Variants in LDLRAD3 observed in about 807,000 individuals in gnomAD.
LDLRAD3 encodes low-density lipoprotein receptor class A domain-containing protein 3.
Under a neutral mutation model 29.4 loss-of-function variants are expected in LDLRAD3, and 20 were observed. The observed-to-expected ratio is 0.68, with a 90% confidence interval of 0.48 to 0.99. The LOEUF (loss-of-function observed/expected upper bound fraction) is 0.99. Among genes scored for constraint, LDLRAD3 ranks in the 50% least tolerant of loss-of-function variants. The pLI is 0.00. For missense variants in LDLRAD3, 420 were observed against 454.3 expected, an observed-to-expected ratio of 0.92 and a Z score of 0.69; for synonymous variants, 157 against 192.7, an observed-to-expected ratio of 0.81 and a Z score of 1.53.
At chr11:36,132,069 T>C (rs79071491) in intron 4 of LDLRAD3, among the ~76,000 whole-genome samples, 3 of 151,888 alleles carry the variant, frequency 2.0e-5, no homozygotes, top group South Asian at 4.2e-4. Flanking sequence ...TTTTTTTTTT[T>C]CCAGCTCTGA....
chr11:36,187,518 C>T (rs921262514), intron 4 of LDLRAD3, among the ~76,000 whole-genome samples: 1 of 152,166 alleles, frequency 6.6e-6, no homozygotes, highest in African/African-American at 2.4e-5. Context: ...CATATATCCA[C>T]TGTTTGGATA....
intron 1 of LDLRAD3, among the ~76,000 whole-genome samples, chr11:35,951,342 G>T (rs1312152224): frequency 6.6e-6 from 1 of 152,044 alleles, no homozygotes; most frequent in Non-Finnish European, 1.5e-5. Flanking sequence ...TCTATTTGTA[G>T]TTTTTTGGCT....
intron 2 of LDLRAD3, among the ~76,000 whole-genome samples, chr11:36,046,651 T>A (rs1852454148): frequency 6.6e-6 from 1 of 152,200 alleles, no homozygotes; most frequent in South Asian, 2.1e-4. Flanking sequence ...CCCAGGGCAC[T>A]GTTCAACCTG....
intron 1 of LDLRAD3, among the ~76,000 whole-genome samples, chr11:36,000,109 A>G (rs1045976993): frequency 6.6e-6 from 1 of 152,186 alleles, no homozygotes; most frequent in Non-Finnish European, 1.5e-5. Context: ...GAGACTTTAG[A>G]GTAGGTAAAA....
chr11:36,008,830 G>C (rs904876820), intron 1 of LDLRAD3, among the ~76,000 whole-genome samples: 3 of 152,138 alleles, frequency 2.0e-5, no homozygotes, highest in African/African-American at 7.2e-5. Context: ...TTCCTTGTAG[G>C]CTTTCCAGCT....
At chr11:36,072,013 T>G (rs762519042) in intron 2 of LDLRAD3, among the ~76,000 whole-genome samples, 5 of 152,230 alleles carry the variant, frequency 3.3e-5, no homozygotes, top group Non-Finnish European at 7.3e-5. Context: ...ATGGTTTGAC[T>G]TTTTCACAGT....
At chr11:36,209,628 G>A (rs1855257269) in intron 4 of LDLRAD3, among the ~76,000 whole-genome samples, 1 of 152,064 alleles carries the variant, frequency 6.6e-6, no homozygotes, top group African/African-American at 2.4e-5. Flanking sequence ...AAAGTGCTGG[G>A]ATTACAGGTG....
chr11:35,991,173 AG>A lies in LDLRAD3; in HGVS notation c.47-44929del, dbSNP rs1851684271. On this transcript the variant is annotated intron_variant, in intron 1 of 5. Transcript: ENST00000315571. ...GATGCTCTTCTAGGTTGCGTATAAG[AG>A]CCCCCATGCATCTCAATTACAGAAT... Among the ~76,000 whole-genome samples, 3 of 152,336 alleles carry A rather than the reference AG, an allele frequency of 2.0e-5. No individual in the cohort carries two copies. The South Asian group carries it at 6.2e-4, about 32-fold the overall frequency.
Position 36,045,239 on chromosome 11 carries a change from G to C in LDLRAD3, c.193+8990G>C, listed in dbSNP as rs1054430341. ...GTCAGGCTACACTTAACATGCGTTT[G>C]ACTGTATTCAAACTTTTCTTAAAGG... On this transcript the variant is annotated intron_variant, in intron 2 of 5. Transcript: ENST00000315571. Among the ~76,000 whole-genome samples the C allele has an allele frequency of 7.2e-5, 11 of 152,210 alleles. No individual in the cohort carries two copies. The South Asian group carries it at 1.0e-3, about 14-fold the overall frequency.
chr11:36,075,210 T>G (rs1435148844), intron 2 of LDLRAD3, among the ~76,000 whole-genome samples: 2 of 152,180 alleles, frequency 1.3e-5, no homozygotes, highest in Non-Finnish European at 2.9e-5. Context: ...GTCAACAACT[T>G]GTTGCTGGAG....
At chr11:36,229,064 CT>C in intron 5 of LDLRAD3, 95 bp from the exon 6 acceptor site, 1 of 815,072 alleles carries the variant, frequency 1.2e-6, no homozygotes, top group Middle Eastern at 2.3e-4. Context: ...GAAACACTGT[CT>C]CAGAAATGGG....
intron 4 of LDLRAD3, among the ~76,000 whole-genome samples, chr11:36,116,183 A>G (rs1853671273): frequency 6.6e-6 from 1 of 152,238 alleles, no homozygotes; most frequent in South Asian, 2.1e-4. Flanking sequence ...TATAACCAGC[A>G]ACCATCAGAG....
chr11:36,018,429 T>C (rs1852050854), intron 1 of LDLRAD3, among the ~76,000 whole-genome samples: 1 of 152,220 alleles, frequency 6.6e-6, no homozygotes, highest in Non-Finnish European at 1.5e-5. Flanking sequence ...AATCCATGCA[T>C]AATTTTTTCA....
chr11:36,211,659 G>A (rs957621856), intron 4 of LDLRAD3, among the ~76,000 whole-genome samples: 2 of 152,222 alleles, frequency 1.3e-5, no homozygotes, highest in Admixed American at 6.5e-5. Flanking sequence ...TCCAGTGACT[G>A]CCTGGGGTCC....
intron 4 of LDLRAD3, among the ~76,000 whole-genome samples, chr11:36,155,732 G>T (rs1265109923): frequency 6.6e-6 from 1 of 152,192 alleles, no homozygotes; most frequent in African/African-American, 2.4e-5. Context: ...GGGGCCTCTT[G>T]TTCACCCCTG....
intron 1 of LDLRAD3, among the ~76,000 whole-genome samples, chr11:36,024,281 C>G (rs1426716860): frequency 6.6e-6 from 1 of 152,168 alleles, no homozygotes; most frequent in Non-Finnish European, 1.5e-5. Context: ...ATCCTTCTGT[C>G]TCTTGTATGT....
At chr11:36,084,367 C>T (rs1024831549) in intron 3 of LDLRAD3, among the ~76,000 whole-genome samples, 1 of 152,150 alleles carries the variant, frequency 6.6e-6, no homozygotes, top group Non-Finnish European at 1.5e-5. Flanking sequence ...CGTCTTAACC[C>T]TAGCTACTCC....
intron 1 of LDLRAD3, among the ~76,000 whole-genome samples, chr11:35,981,335 A>G (rs1173713416): frequency 6.6e-6 from 1 of 152,080 alleles, no homozygotes; most frequent in African/African-American, 2.4e-5. Context: ...GACCTTGGCC[A>G]TGTCACTTAA....
intron 1 of LDLRAD3, among the ~76,000 whole-genome samples, chr11:35,957,194 T>C (rs1410732864): frequency 1.3e-5 from 2 of 152,260 alleles, no homozygotes; most frequent in Non-Finnish European, 2.9e-5. Context: ...TTTATATTGA[T>C]TTTAGATAGT....
Sources: gnomAD v4.1 joint callset for allele counts (sites outside exome capture counted in the v4.1 genomes callset) on GRCh38, gnomAD v4.1.1 for gene constraint, MANE v1.5 for transcripts, NCBI Gene and HGNC (gene_info 2026-07-23, HGNC 2026-07-21) for gene names.